The following LYPD1 variants were observed in gnomAD, a reference collection of about 807,000 sequenced individuals.
LYPD1 encodes the protein ly6/PLAUR domain-containing protein 1.
In LYPD1, 14 loss-of-function variants were observed where a neutral mutation model predicts 14.2. The ratio of observed to expected loss-of-function variants is 0.99; its 90% CI spans 0.65 to 1.54. The LOEUF is 1.54. LYPD1 is among the 40% of genes most tolerant of loss of function. The pLI, the probability that LYPD1 is intolerant of heterozygous loss-of-function variation, is 0.00. For missense variants in LYPD1, 165 were observed against 175.7 expected (o/e 0.94, Z 0.34); for synonymous variants, 85 against 70.6 (o/e 1.20, Z -1.02).
rs1681926273 is a variant in LYPD1 at position 132,643,930 on chromosome 2, T to C, written c.*2115A>G. Among the ~76,000 whole-genome samples, 1 of 152,200 alleles carries C rather than the reference T, an allele frequency of 6.6e-6. No homozygotes were observed. The highest frequency in any genetic ancestry group is 2.4e-5 in the African/African-American group (1 of 41,450). ...TCAGAAGATTGAAAATGTGAGTAAA[T>C]GTTTCTTACTACGATTGAAATGTAG... On this transcript the variant is annotated 3_prime_UTR_variant, in exon 3 of 3. Coordinates refer to ENST00000397463, the MANE Select transcript of LYPD1 (RefSeq NM_144586.7).
At chr2:132,664,557 G>A (rs1412694562) in intron 2 of LYPD1, among the ~76,000 whole-genome samples, 1 of 152,164 alleles carries the variant, frequency 6.6e-6, no homozygotes, top group Non-Finnish European at 1.5e-5. Context: ...TGCAAAGGAT[G>A]GGTGAAGAGA....
chr2:132,650,761 GCTT>G (rs914986914), intron 2 of LYPD1, among the ~76,000 whole-genome samples: 11 of 150,012 alleles, frequency 7.3e-5, no homozygotes, highest in Non-Finnish European at 1.6e-4. Context: ...ATGAGTTTAT[GCTT>G]CTTACTATGC....
intron 2 of LYPD1, among the ~76,000 whole-genome samples, chr2:132,656,265 T>G (rs1056165030): frequency 6.6e-6 from 1 of 152,234 alleles, no homozygotes; most frequent in South Asian, 2.1e-4. Context: ...TGTTATGCAA[T>G]GTAGCTTTAA....
chr2:132,660,193 G>A (rs984519692), intron 2 of LYPD1, among the ~76,000 whole-genome samples: 5 of 152,208 alleles, frequency 3.3e-5, no homozygotes, highest in Non-Finnish European at 7.3e-5. Flanking sequence ...ACTGGACCGC[G>A]TATCACAACT....
intron 2 of LYPD1, among the ~76,000 whole-genome samples, chr2:132,655,513 C>CTTTTTTTTTTTTT (rs1558879316): frequency 3.3e-5 from 2 of 61,010 alleles, no homozygotes; most frequent in African/African-American, 2.3e-4. Flanking sequence ...GGTTGAGAAG[C>CTTTTTTTTTTTTT]ATTTTTTTTT....
chr2:132,662,173 A>G (rs1053923035), intron 2 of LYPD1, among the ~76,000 whole-genome samples: 3 of 152,232 alleles, frequency 2.0e-5, no homozygotes, highest in African/African-American at 4.8e-5. Context: ...AACTTGTACT[A>G]TAATATCTGG....
chr2:132,669,805 C>T lies in LYPD1; in HGVS notation c.52+76G>A, dbSNP rs1356151784. On this transcript the variant is annotated intron_variant, in intron 1 of 2. Coordinates refer to ENST00000397463, the MANE Select transcript of LYPD1 (RefSeq NM_144586.7). The surrounding 1 kb of genome is among the most constrained non-coding windows in gnomAD (Gnocchi z 4.3). The stretch of plus-strand genomic sequence containing the variant: ...GCAGGGCTGGCCCCGAGGTGGGCGC[C>T]TTGGGGGCAAAAGGGCTGGCGGGTA... The T allele has an allele frequency of 6.3e-7, 1 of 1,582,348 alleles. No individual in the cohort carries two copies. The highest frequency in any genetic ancestry group is 8.6e-7 in the Non-Finnish European group (1 of 1,166,252).
Position 132,650,414 on chromosome 2 carries a change from C to T in LYPD1, c.191-4134G>A, listed in dbSNP as rs552716460. ...AAGGCAACGTGGCAATAGCTATCAA[C>T]ATTGCAAATGCATGTACTCTGTGAC... is the stretch of plus-strand genomic sequence containing the variant. On this transcript the variant is annotated intron_variant, in intron 2 of 2. Transcript: ENST00000397463. Among the ~76,000 whole-genome samples the T allele has an allele frequency of 2.0e-5, 3 of 152,312 alleles. No homozygotes were observed. The South Asian group carries it at 6.2e-4, about 32-fold the overall frequency.
chr2:132,649,082 G>A (rs1335149585), intron 2 of LYPD1, among the ~76,000 whole-genome samples: 2 of 152,190 alleles, frequency 1.3e-5, no homozygotes, highest in South Asian at 2.1e-4. Context: ...TAAGTGACAG[G>A]CAACTGGCTG....
At position 132,645,492 on chromosome 2, in the gene LYPD1, G is replaced by C. The variant is rs1682013483; in HGVS notation, c.*553C>G. 1 of 1,613,770 alleles carries C rather than the reference G, an allele frequency of 6.2e-7. No individual in the cohort carries two copies. Among genetic ancestry groups the C allele is most frequent in the Non-Finnish European group, 8.5e-7 (1 of 1,180,052 alleles). On this transcript the variant is annotated 3_prime_UTR_variant, in exon 3 of 3. Transcript: ENST00000397463. ...TTTTCTTAAGCACTTTTCAGAGCGA[G>C]GCCGAGCCCCAGTCTAAGTCCCAGT...
At chr2:132,666,972 A>G (rs1683307916) in intron 2 of LYPD1, 1 of 152,200 alleles carries the variant, frequency 6.6e-6, no homozygotes, top group Non-Finnish European at 1.5e-5. Context: ...TGAAAGTAAC[A>G]ATAAAGTGTT....
At position 132,668,400 on chromosome 2, in the gene LYPD1, C is replaced by T. The variant is rs373429234; in HGVS notation, c.190G>A (p.Gly64Arg). 1.2e-5 allele frequency: 19 copies of T among 1,603,262 alleles called. No homozygotes were observed. The highest frequency in any genetic ancestry group is 1.6e-5 in the Non-Finnish European group (19 of 1,174,792). The change falls in exon 2 of 3, where the codon GGG becomes AGG. Residue 64 changes from glycine to arginine, a missense_variant and splice_region_variant. Coordinates refer to ENST00000397463, the MANE Select transcript of LYPD1 (RefSeq NM_144586.7). Reference sequence around the variant, plus strand: ...AGGGGGAGGGCTGCCAGGCTCTTACCGGCACTTTGCTCCATCACTTCTTTC... The same window carrying T: ...AGGGGGAGGGCTGCCAGGCTCTTACTGGCACTTTGCTCCATCACTTCTTTC... ...CQKEVMEQSA[G>R]IMYRKSCASS...
Sources: gnomAD v4.1 joint callset for allele counts (sites outside exome capture counted in the v4.1 genomes callset) on GRCh38, gnomAD v4.1.1 for gene constraint, Gnocchi (gnomAD v3.1) non-coding constraint, MANE v1.5 for transcripts, NCBI Gene and HGNC (gene_info 2026-07-23, HGNC 2026-07-21) for gene names.